The following LRRIQ1 variants were observed in gnomAD, a reference collection of about 807,000 sequenced individuals.
LRRIQ1 encodes the protein leucine rich repeats and IQ motif containing 1, also known as leucine-rich repeat- and IQ domain-containing protein 1.
LRRIQ1 carries 210 observed loss-of-function variants against 211.9 expected under a neutral mutation model. That is an observed-to-expected ratio of 0.99 (90% CI 0.89 to 1.11). The LOEUF (loss-of-function observed/expected upper bound fraction) is 1.11. Ranked by LOEUF, LRRIQ1 falls within the 50% of genes most tolerant of loss-of-function variation. The pLI, the probability that LRRIQ1 is intolerant of heterozygous loss-of-function variation, is 0.00. For synonymous variants in LRRIQ1, 699 were observed against 650.1 expected, an observed-to-expected ratio of 1.08 and a Z score of -1.14; for missense variants, 2,136 against 1,939.5, an observed-to-expected ratio of 1.10 and a Z score of -1.90.
At chr12:85,094,614 T>C (rs1321171079) in intron 11 of LRRIQ1, among the ~76,000 whole-genome samples, 1 of 152,166 alleles carries the variant, frequency 6.6e-6, no homozygotes, top group Non-Finnish European at 1.5e-5. Context: ...ATGTTCCATA[T>C]TAATTTTAGA....
chr12:85,107,303 C>A (rs867717642), intron 15 of LRRIQ1, among the ~76,000 whole-genome samples: 2 of 151,988 alleles, frequency 1.3e-5, no homozygotes, highest in African/African-American at 4.8e-5. Flanking sequence ...AAAAACTGGA[C>A]ATTTTTATCA....
intron 13 of LRRIQ1, among the ~76,000 whole-genome samples, chr12:85,102,131 A>G (rs913788526): frequency 4.6e-5 from 7 of 151,516 alleles, no homozygotes; most frequent in Admixed American, 4.0e-4. Flanking sequence ...CTTGAATTAT[A>G]TTTATATATA....
chr12:85,124,644 C>G (rs1293860517), intron 17 of LRRIQ1, 125 bp downstream of exon 17: 9 of 747,616 alleles, frequency 1.2e-5, no homozygotes, highest in African/African-American at 8.9e-5. Flanking sequence ...CATACCGATT[C>G]CATTATGTTT....
chr12:85,127,696 A>G, intron 17 of LRRIQ1, 136 bp from the exon 18 acceptor site: 1 of 718,730 alleles, frequency 1.4e-6, no homozygotes, highest in South Asian at 2.0e-5. Context: ...ATGGTTAAAC[A>G]AAAGAAGTGG....
chr12:85,174,253 C>T (rs1891569566), intron 24 of LRRIQ1, among the ~76,000 whole-genome samples: 1 of 151,790 alleles, frequency 6.6e-6, no homozygotes, highest in Non-Finnish European at 1.5e-5. Flanking sequence ...AAAAATATCT[C>T]TTTGATAGCA....
intron 15 of LRRIQ1, among the ~76,000 whole-genome samples, chr12:85,109,686 C>G (rs1887030489): frequency 6.6e-6 from 1 of 152,150 alleles, no homozygotes; most frequent in African/African-American, 2.4e-5. Flanking sequence ...CCTACTGAAT[C>G]AGAAACCTAG....
chr12:85,232,901 A>G, intron 26 of LRRIQ1, 145 bp downstream of exon 26: 1 of 580,186 alleles, frequency 1.7e-6, no homozygotes, highest in Non-Finnish European at 3.0e-6. Flanking sequence ...ATGTGTTAAA[A>G]TAATAACATG....
intron 24 of LRRIQ1, among the ~76,000 whole-genome samples, chr12:85,221,690 A>C (rs1284551579): frequency 1.3e-5 from 2 of 152,196 alleles, no homozygotes; most frequent in Non-Finnish European, 2.9e-5. Flanking sequence ...GTCTGTGGGC[A>C]AAAGAGAACA....
intron 24 of LRRIQ1, among the ~76,000 whole-genome samples, chr12:85,181,192 T>TTA (rs1891964686): frequency 6.8e-6 from 1 of 147,060 alleles, no homozygotes; most frequent in African/African-American, 2.6e-5. Flanking sequence ...TAAATCTAAT[T>TTA]ATAAAAATTA....
chr12:85,248,296 G>A (rs143610566), downstream of LRRIQ1, among the ~76,000 whole-genome samples: 4 of 151,702 alleles, frequency 2.6e-5, no homozygotes, highest in Admixed American at 2.6e-4. Flanking sequence ...GCAAAGAAGA[G>A]CAGCAACTTG....
chr12:85,240,481 C>T (rs1373361436), intron 26 of LRRIQ1, among the ~76,000 whole-genome samples: 1 of 152,056 alleles, frequency 6.6e-6, no homozygotes, highest in African/African-American at 2.4e-5. Flanking sequence ...AACATACGAC[C>T]TAATTATTCT....
At chr12:85,133,873 A>G (rs1176185737) in intron 18 of LRRIQ1, among the ~76,000 whole-genome samples, 3 of 152,142 alleles carry the variant, frequency 2.0e-5, no homozygotes, top group South Asian at 2.1e-4. Flanking sequence ...ACTATACTGT[A>G]TCAGATAAAT....
intron 13 of LRRIQ1, among the ~76,000 whole-genome samples, chr12:85,100,274 A>G (rs931152893): frequency 2.0e-5 from 3 of 151,764 alleles, no homozygotes; most frequent in African/African-American, 7.2e-5. Flanking sequence ...TAAGTTATCA[A>G]AGATAGTCTA....
intron 11 of LRRIQ1, among the ~76,000 whole-genome samples, chr12:85,097,479 A>G (rs543545406): frequency 4.0e-5 from 6 of 151,178 alleles, no homozygotes; most frequent in East Asian, 2.0e-4. Flanking sequence ...TCATTGTTCA[A>G]TTCCAACCTA....
At chr12:85,157,684 G>A (rs1014865496) in intron 23 of LRRIQ1, among the ~76,000 whole-genome samples, 3 of 151,822 alleles carry the variant, frequency 2.0e-5, no homozygotes, top group Admixed American at 1.3e-4. Context: ...GTAATTGGTA[G>A]CAAGACTGAG....
chr12:85,217,670 GTGTATATA>G (rs1442943112), intron 24 of LRRIQ1, among the ~76,000 whole-genome samples: 2 of 129,556 alleles, frequency 1.5e-5, no homozygotes, highest in East Asian at 2.0e-4. Context: ...ATGTATATAT[GTGTATATA>G]TGTATATATG....
rs185096833 is a variant in LRRIQ1, at chr12:85,180,960, C to T, written c.4822+20246C>T. ...GGTGAATACAAATACTTGATAGATA[C>T]GATGTAGATTCTGATAAATGATCTA... On this transcript the variant is annotated intron_variant, in intron 24 of 26. Transcript: ENST00000393217. 2.3e-3 allele frequency among the ~76,000 whole-genome samples: 343 copies of T among 151,518 alleles called. 2 individuals are homozygous for T. Among genetic ancestry groups the T allele is most frequent in the African/African-American group, 7.9e-3 (326 of 41,390 alleles).
At position 85,124,721 on chromosome 12, in the gene LRRIQ1, A is replaced by G. The variant is rs576072380; in HGVS notation, c.4007+202A>G. On this transcript the variant is annotated intron_variant, in intron 17 of 26. Transcript: ENST00000393217. ...AATTATAGTGCATATTAATTTGATT[A>G]AATTCTCATTTAATTTCTAGTAGTA... 42 of 495,910 alleles carry G rather than the reference A, an allele frequency of 8.5e-5. 1 individual carries two copies. Among genetic ancestry groups the G allele is most frequent in the African/African-American group, 7.5e-4 (38 of 50,900 alleles). The allele number at this position is 495,910 out of a possible 1,614,324, so 30.7% of individuals were successfully genotyped here. A position where few individuals can be genotyped will look rare whatever the true frequency, so the allele number is the denominator to read the frequency against.
rs1187615499 is a variant in LRRIQ1, at chr12:85,040,495, A to G, written c.138A>G (p.Ser46=). The G allele has an allele frequency of 2.6e-6, 4 of 1,527,620 alleles. No individual in the cohort carries two copies. 94.6% of individuals were successfully genotyped at this position (1,527,620 alleles called of 1,614,324 possible). ...ETQSDDSDTD[S]VELPESVLHC... ...TGTATTATTCAAATTTTTAGGATTC[A>G]GTTGAATTACCAGAATCAGTTCTTC... Residue 46 remains serine, a synonymous_variant, in exon 3 of 27, where the codon TCA becomes TCG. Transcript: ENST00000393217.
Sources: allele counts gnomAD v4.1 joint callset (sites outside exome capture counted in the v4.1 genomes callset), GRCh38; gene constraint gnomAD v4.1.1; transcripts MANE v1.5; gene names NCBI Gene and HGNC (gene_info 2026-07-23, HGNC 2026-07-21).